The following RGS7BP variants were observed in gnomAD, a reference collection of about 807,000 sequenced individuals.
RGS7BP encodes the protein regulator of G protein signaling 7 binding protein, also known as regulator of G protein signaling 7-binding protein.
Under a neutral mutation model 31.3 loss-of-function variants are expected in RGS7BP, and 9 were observed. The ratio of observed to expected loss-of-function variants is 0.29; its 90% CI spans 0.17 to 0.50. The LOEUF is 0.50. Among genes scored for constraint, RGS7BP ranks in the 20% least tolerant of loss-of-function variants. The pLI, the probability that RGS7BP is intolerant of heterozygous loss-of-function variation, is 0.98. For missense variants in RGS7BP, 274 were observed against 322.0 expected, an observed-to-expected ratio of 0.85 and a Z score of 1.14; for synonymous variants, 115 against 120.1, an observed-to-expected ratio of 0.96 and a Z score of 0.28.
chr5:64,585,908 G>C (rs369703840), intron 3 of RGS7BP, among the ~76,000 whole-genome samples: 18 of 152,146 alleles, frequency 1.2e-4, no homozygotes, highest in South Asian at 6.2e-4. Flanking sequence ...GTGCTCTAAG[G>C]GTTCTCTTCC....
At chr5:64,581,380 T>C (rs1364286501) in intron 3 of RGS7BP, among the ~76,000 whole-genome samples, 1 of 152,170 alleles carries the variant, frequency 6.6e-6, no homozygotes, top group East Asian at 1.9e-4. Flanking sequence ...TGAGAGTCTC[T>C]AGTCAATTTT....
At chr5:64,558,982 T>A (rs112204039) in intron 2 of RGS7BP, among the ~76,000 whole-genome samples, 2,405 of 152,288 alleles carry the variant, frequency 0.016, 55 homozygotes, top group African/African-American at 0.054. Context: ...TGTTTATCAA[T>A]GACAATGCGT....
intron 3 of RGS7BP, among the ~76,000 whole-genome samples, chr5:64,583,839 T>C (rs1425826601): frequency 1.3e-5 from 2 of 152,248 alleles, no homozygotes; most frequent in Non-Finnish European, 2.9e-5. Context: ...CATATACCAG[T>C]GAGTAGGACA....
chr5:64,514,271 CA>C (rs200293630), intron 2 of RGS7BP, among the ~76,000 whole-genome samples: 6,679 of 152,072 alleles, frequency 0.044, 404 homozygotes, highest in African/African-American at 0.14. Context: ...ACCCTTTTTC[CA>C]AAAACAAAGG....
At chr5:64,512,711 T>G (rs887025207) in intron 2 of RGS7BP, among the ~76,000 whole-genome samples, 1 of 152,206 alleles carries the variant, frequency 6.6e-6, no homozygotes, top group African/African-American at 2.4e-5. Context: ...AAATAAATAC[T>G]TTGGCTGGAA....
chr5:64,576,769 T>A (rs1297871876), intron 3 of RGS7BP, among the ~76,000 whole-genome samples: 1 of 152,166 alleles, frequency 6.6e-6, no homozygotes, highest in Non-Finnish European at 1.5e-5. Flanking sequence ...GAGTGTGGAA[T>A]GGGAAGGATG....
At chr5:64,525,631 C>A (rs139352299) in intron 2 of RGS7BP, among the ~76,000 whole-genome samples, 15 of 152,262 alleles carry the variant, frequency 9.9e-5, no homozygotes, top group African/African-American at 3.6e-4. Flanking sequence ...GAAACTGAAG[C>A]CCTGAGAGGT....
chr5:64,576,016 G>A, intron 3 of RGS7BP, 112 bp downstream of exon 3: 1 of 913,126 alleles, frequency 1.1e-6, no homozygotes, highest in Non-Finnish European at 1.6e-6. Flanking sequence ...CAATTACGAT[G>A]AATTTAAATG....
chr5:64,507,844 G>C lies in RGS7BP; in HGVS notation c.299G>C (p.Arg100Pro), dbSNP rs756997325. ...KTRTKGCEMA[R>P]QAHQKLAAIS... ...AGAACCAAAGGCTGTGAAATGGCCC[G>C]TCAGGCACACCAAAAATTGGCTGCC... Residue 100 changes from arginine to proline, a missense_variant, in exon 2 of 6, where the codon CGT becomes CCT. Physicochemically the swap from Arg to Pro is moderately radical, Grantham distance 103. Around this residue, in one of 3 missense-constraint regions of RGS7BP, gnomAD observed 149 missense variants for 152.6 expected, o/e 0.98. Transcript: ENST00000334025. The C allele has an allele frequency of 1.2e-6, 2 of 1,613,508 alleles. No homozygotes were observed. Among genetic ancestry groups the C allele is most frequent in the Admixed American group, 1.7e-5 (1 of 59,896 alleles).
At chr5:64,538,424 G>C in intron 2 of RGS7BP, among the ~76,000 whole-genome samples, 1 of 136,218 alleles carries the variant, frequency 7.3e-6, no homozygotes, top group East Asian at 2.2e-4. Flanking sequence ...TTTTGTCTTT[G>C]TTTTGCCTTT....
At chr5:64,549,719 T>C (rs1005995929) in intron 2 of RGS7BP, among the ~76,000 whole-genome samples, 1 of 152,196 alleles carries the variant, frequency 6.6e-6, no homozygotes, top group African/African-American at 2.4e-5. Context: ...CAAGTGATGG[T>C]CCAGCCACAC....
intron 2 of RGS7BP, among the ~76,000 whole-genome samples, chr5:64,519,080 A>AATC (rs1749043948): frequency 6.6e-6 from 1 of 152,114 alleles, no homozygotes; most frequent in Non-Finnish European, 1.5e-5. Context: ...CAAATTTCCT[A>AATC]ATCTATAAGC....
Position 64,506,704 on chromosome 5 carries a change from C to G in RGS7BP, c.80C>G (p.Pro27Arg), listed in dbSNP as rs1396353857. The G allele has an allele frequency of 1.2e-6, 2 of 1,613,312 alleles. No homozygotes were observed. The highest frequency in any genetic ancestry group is 1.7e-6 in the Non-Finnish European group (2 of 1,179,472). The stretch of plus-strand genomic sequence containing the variant: ...TCGATCTTCCAGATCAGCAAGCCCC[C>G]GCTGCAGAGCGGAGATTGGGAGCGC... ...RSSIFQISKP[P>R]LQSGDWERRG... is the part of the protein sequence containing the mutation. Residue 27 changes from proline (P) to arginine (R), a missense_variant, in exon 1 of 6, where the codon CCG becomes CGG. By Grantham distance (103) the Pro-to-Arg change is moderately radical. This residue lies in a region of RGS7BP where 149 missense variants were observed against 152.6 expected (regional missense o/e 0.98). Coordinates refer to ENST00000334025, the MANE Select transcript of RGS7BP (RefSeq NM_001029875.3). This position sits in a 1 kb window ranked among gnomAD's most constrained non-coding sequence, Gnocchi z 4.6.
intron 2 of RGS7BP, 23 bp downstream of exon 2, chr5:64,507,900 G>T (rs779513709): frequency 7.5e-6 from 12 of 1,602,464 alleles, no homozygotes; most frequent in Middle Eastern, 1.7e-4. Context: ...GCATTATTTG[G>T]TAATCCATAT....
intron 2 of RGS7BP, among the ~76,000 whole-genome samples, chr5:64,541,130 G>A (rs893240546): frequency 2.0e-5 from 3 of 152,138 alleles, no homozygotes; most frequent in South Asian, 2.1e-4. Context: ...TGCTTCTGCT[G>A]GTGACGGCCC....
chr5:64,580,085 G>A (rs1742549751), intron 3 of RGS7BP, among the ~76,000 whole-genome samples: 1 of 152,134 alleles, frequency 6.6e-6, no homozygotes. Flanking sequence ...AGAATACTTG[G>A]TTCCAGTGAC....
At position 64,506,412 on chromosome 5, in the gene RGS7BP, G is replaced by A; in HGVS notation, c.-213G>A. ...AACTTGATCGCGCTCCTTCCTCGCT[G>A]CTAGTGGAAGCGATGCTGCACGGCA... On this transcript the variant is annotated 5_prime_UTR_variant, in exon 1 of 6. Coordinates refer to ENST00000334025, the MANE Select transcript of RGS7BP (RefSeq NM_001029875.3). The surrounding 1 kb of genome is among the most constrained non-coding windows in gnomAD (Gnocchi z 4.6). The A allele has an allele frequency of 2.4e-6, 1 of 420,688 alleles. No homozygotes were observed. Among genetic ancestry groups the A allele is most frequent in the Non-Finnish European group, 4.2e-6 (1 of 238,582 alleles). The allele number at this position is 420,688 out of a possible 1,614,324, so 26.1% of individuals were successfully genotyped here. A position where few individuals can be genotyped will look rare whatever the true frequency, so the allele number is the denominator to read the frequency against.
In RGS7BP at chr5:64,567,815, G is replaced by T. The variant is rs1742205953; in HGVS notation, c.333-7959G>T. 5.3e-5 allele frequency among the ~76,000 whole-genome samples: 8 copies of T among 152,228 alleles called. 1 individual carries two copies. In the South Asian group the frequency reaches 1.7e-3, roughly 32 times the overall value. ...CTAAAATTCCAGTGGGTAAATGCAG[G>T]AATTAACTGCATACTGCAATGAATG... On this transcript the variant is annotated intron_variant, in intron 2 of 5. Transcript: ENST00000334025.
At chr5:64,602,355 G>C (rs753250840) in intron 5 of RGS7BP, among the ~76,000 whole-genome samples, 1 of 152,124 alleles carries the variant, frequency 6.6e-6, no homozygotes, top group African/African-American at 2.4e-5. Flanking sequence ...GCAATCTCTT[G>C]TCCAAGATTC....
Sources: gnomAD v4.1 joint callset for allele counts (sites outside exome capture counted in the v4.1 genomes callset) on GRCh38, gnomAD v4.1.1 for gene constraint, gnomAD v4.1.1 regional missense constraint, Gnocchi (gnomAD v3.1) non-coding constraint, MANE v1.5 for transcripts, NCBI Gene and HGNC (gene_info 2026-07-23, HGNC 2026-07-21) for gene names.